The following ZNF700 variants were observed in gnomAD, a reference collection of about 807,000 sequenced individuals.
ZNF700 encodes the protein zinc finger protein 700.
A neutral mutation model predicts 65.3 loss-of-function variants in ZNF700; 38 were observed. That is an observed-to-expected ratio of 0.58 (90% confidence interval 0.45 to 0.76). The LOEUF (loss-of-function observed/expected upper bound fraction) is 0.76. ZNF700 is among the 30% of genes least tolerant of loss of function. ZNF700 has a pLI of 0.00. For synonymous variants in ZNF700, 285 were observed against 290.4 expected, an observed-to-expected ratio of 0.98 and a Z score of 0.19; for missense variants, 857 against 888.4, an observed-to-expected ratio of 0.96 and a Z score of 0.45.
intron 1 of ZNF700, among the ~76,000 whole-genome samples, chr19:11,943,461 C>A (rs1972915507): frequency 6.6e-6 from 1 of 152,156 alleles, no homozygotes; most frequent in African/African-American, 2.4e-5. Context: ...ACCATATGAT[C>A]CGGTTGAGCA....
chr19:11,949,098 A>G lies in ZNF700; in HGVS notation c.1074A>G (p.Gly358=), dbSNP rs1190775517. ...AAACACACATAAGAATGAACTCTGG[A>G]GAAAGACCTTATAAATGTAAGATAT... ...SFQTHIRMNS[G]ERPYKCKICG... is the part of the protein sequence containing the mutation. The change falls in exon 4 of 4, where the codon GGA becomes GGG. Residue 358 remains glycine, a synonymous_variant. Coordinates refer to ENST00000254321, the MANE Select transcript of ZNF700 (RefSeq NM_144566.3). 6.2e-7 allele frequency: 1 copy of G among 1,612,260 alleles called. No individual in the cohort carries two copies. The highest frequency in any genetic ancestry group is 1.1e-5 in the South Asian group (1 of 90,670).
chr19:11,943,290 GGTTAGGT>G (rs1267445639), intron 1 of ZNF700, among the ~76,000 whole-genome samples: 31 of 152,248 alleles, frequency 2.0e-4, no homozygotes, highest in African/African-American at 7.2e-4. Context: ...GACAGCAATT[GGTTAGGT>G]TAAATTTTCC....
At position 11,949,097 on chromosome 19, in the gene ZNF700, G is replaced by T. The variant is rs1973013954; in HGVS notation, c.1073G>T (p.Gly358Val). ...CAAACACACATAAGAATGAACTCTGGAGAAAGACCTTATAAATGTAAGATA... is the reference window on the plus strand; with the variant it reads ...CAAACACACATAAGAATGAACTCTGTAGAAAGACCTTATAAATGTAAGATA... ...SFQTHIRMNS[G>V]ERPYKCKICG... Residue 358 changes from glycine to valine, a missense_variant, in exon 4 of 4, where the codon GGA becomes GTA. Coordinates refer to ENST00000254321, the MANE Select transcript of ZNF700 (RefSeq NM_144566.3). The T allele has an allele frequency of 1.2e-6, 2 of 1,612,086 alleles. No homozygotes were observed. Among genetic ancestry groups the T allele is most frequent in the Admixed American group, 1.7e-5 (1 of 59,240 alleles).
At chr19:11,929,529 G>A (rs1339905042) in intron 1 of ZNF700, among the ~76,000 whole-genome samples, 1 of 148,138 alleles carries the variant, frequency 6.8e-6, no homozygotes, top group Non-Finnish European at 1.5e-5. Context: ...AAGGTAATAG[G>A]TAAATTGTGC....
intron 1 of ZNF700, among the ~76,000 whole-genome samples, chr19:11,930,779 T>A (rs1972701622): frequency 6.8e-6 from 1 of 148,038 alleles, no homozygotes. Flanking sequence ...GACTGGCATA[T>A]CACCTGAGGT....
In ZNF700 at chr19:11,925,243, G is replaced by A. The variant is rs199840273; in HGVS notation, c.33G>A (p.Glu11=). 3.8e-5 allele frequency: 62 copies of A among 1,613,206 alleles called. No homozygotes were observed. The South Asian group carries it at 4.9e-4, about 13-fold the overall frequency. MPCCSHRSCR[E]DPGTSESREM... ...GCTGTAGTCACAGGAGCTGTAGAGA[G>A]GACCCCGGTACATCTGAAAGCCGGG... Residue 11 remains glutamate (E), a synonymous_variant, in exon 1 of 4, where the codon GAG becomes GAA. Coordinates refer to ENST00000254321, the MANE Select transcript of ZNF700 (RefSeq NM_144566.3).
rs1972972833 is a variant in ZNF700 at position 11,947,174 on chromosome 19, G to A, written c.64-7G>A. ...CCATCTTCCTCTACACATGTGAGATGTTTCAGGACCCAGTGGCCTTTGAGG... is the reference window on the plus strand; with the variant it reads ...CCATCTTCCTCTACACATGTGAGATATTTCAGGACCCAGTGGCCTTTGAGG... On this transcript the variant is annotated splice_region_variant and splice_polypyrimidine_tract_variant and intron_variant, in intron 1 of 3. Coordinates refer to ENST00000254321, the MANE Select transcript of ZNF700 (RefSeq NM_144566.3). 1 of 1,613,124 alleles carries A rather than the reference G, an allele frequency of 6.2e-7. No individual in the cohort carries two copies. The highest frequency in any genetic ancestry group is 1.3e-5 in the African/African-American group (1 of 74,888).
intron 1 of ZNF700, among the ~76,000 whole-genome samples, chr19:11,932,635 ATTT>A (rs750423524): frequency 0.096 from 11,224 of 116,658 alleles, 1,389 homozygotes; most frequent in African/African-American, 0.28. Flanking sequence ...CCAATATGTG[ATTT>A]TTTTTTTTTT....
chr19:11,932,818 T>C (rs1257184079), intron 1 of ZNF700, among the ~76,000 whole-genome samples: 1 of 147,450 alleles, frequency 6.8e-6, no homozygotes, highest in Non-Finnish European at 1.5e-5. Flanking sequence ...TTTGTATTTT[T>C]AGTAGAGACG....
intron 1 of ZNF700, among the ~76,000 whole-genome samples, chr19:11,926,864 G>A (rs902868708): frequency 6.6e-6 from 1 of 152,078 alleles, no homozygotes; most frequent in Non-Finnish European, 1.5e-5. Context: ...TTATTCAAGC[G>A]GAAGGATAGC....
chr19:11,946,995 T>C lies in ZNF700; in HGVS notation c.64-186T>C, dbSNP rs908974571. ...AAGAGTGAAACTCTGTCTCAAAAAA[T>C]AAATAAATAAATAAATTGCTTTATG... On this transcript the variant is annotated intron_variant, in intron 1 of 3. Coordinates refer to ENST00000254321, the MANE Select transcript of ZNF700 (RefSeq NM_144566.3). The C allele has an allele frequency of 3.8e-5, 40 of 1,049,648 alleles. No homozygotes were observed. In the South Asian group the frequency reaches 8.5e-4, roughly 22 times the overall value. The allele number at this position is 1,049,648 out of a possible 1,614,324, so 65.0% of individuals were successfully genotyped here. A position where few individuals can be genotyped will look rare whatever the true frequency, so the allele number is the denominator to read the frequency against.
intron 1 of ZNF700, among the ~76,000 whole-genome samples, chr19:11,926,063 A>G (rs796944019): frequency 1.8e-4 from 28 of 151,838 alleles, no homozygotes; most frequent in African/African-American, 6.1e-4. Context: ...AAGTTTGTCT[A>G]AAGTTTGGAG....
Position 11,947,312 on chromosome 19 carries a change from G to T in ZNF700, c.190+5G>T. ...TCAGGAACCTGACCTCTATAGGTAA[G>T]GATGACAATATTCCTTCCGTCAGTG... is the stretch of plus-strand genomic sequence containing the variant. On this transcript the variant is annotated splice_donor_5th_base_variant and intron_variant, in intron 2 of 3. Transcript: ENST00000254321. 6.2e-7 allele frequency: 1 copy of T among 1,613,520 alleles called. No individual in the cohort carries two copies. Among genetic ancestry groups the T allele is most frequent in the Non-Finnish European group, 8.5e-7 (1 of 1,179,908 alleles).
At chr19:11,927,534 C>T (rs987193257) in intron 1 of ZNF700, among the ~76,000 whole-genome samples, 5 of 152,052 alleles carry the variant, frequency 3.3e-5, no homozygotes, top group Admixed American at 1.3e-4. Flanking sequence ...AGTGGAGGAA[C>T]GTACTGTCTT....
chr19:11,944,009 C>T (rs1246108241), intron 1 of ZNF700, among the ~76,000 whole-genome samples: 2 of 152,084 alleles, frequency 1.3e-5, no homozygotes, highest in Non-Finnish European at 2.9e-5. Context: ...TTCCCTCTAC[C>T]TTCACGGTGG....
chr19:11,938,956 T>G (rs1972838573), intron 1 of ZNF700, among the ~76,000 whole-genome samples: 1 of 152,222 alleles, frequency 6.6e-6, no homozygotes, highest in Admixed American at 6.5e-5. Context: ...TGGTTTTGAT[T>G]TGCATTTCTC....
At chr19:11,945,380 T>A (rs1369972101) in intron 1 of ZNF700, among the ~76,000 whole-genome samples, 1 of 152,222 alleles carries the variant, frequency 6.6e-6, no homozygotes, top group African/African-American at 2.4e-5. Context: ...CTGAGCTTGA[T>A]TGACCAAGCA....
intron 1 of ZNF700, among the ~76,000 whole-genome samples, chr19:11,941,619 A>G (rs1390024069): frequency 6.6e-6 from 1 of 152,162 alleles, no homozygotes; most frequent in Non-Finnish European, 1.5e-5. Flanking sequence ...ACGCCCACCC[A>G]GAACTCCAGC....
intron 1 of ZNF700, among the ~76,000 whole-genome samples, chr19:11,932,194 C>T (rs547726943): frequency 2.2e-4 from 32 of 146,478 alleles, no homozygotes; most frequent in Non-Finnish European, 3.0e-4. Context: ...TATACAAAAA[C>T]TTACCTGGTC....
Sources: gnomAD v4.1 joint callset for allele counts (sites outside exome capture counted in the v4.1 genomes callset) on GRCh38, gnomAD v4.1.1 for gene constraint, MANE v1.5 for transcripts, NCBI Gene and HGNC (gene_info 2026-07-23, HGNC 2026-07-21) for gene names.